The following PCDHA2 variants were observed in gnomAD, a reference collection of about 807,000 sequenced individuals.
PCDHA2 encodes the protein protocadherin alpha 2.
A neutral mutation model predicts 66.0 loss-of-function variants in PCDHA2; 58 were observed. The observed-to-expected ratio is 0.88, with a 90% CI of 0.71 to 1.09. The LOEUF is 1.09. Ranked by LOEUF, PCDHA2 falls within the 50% of genes least tolerant of loss-of-function variation. PCDHA2 has a pLI of 0.00. For synonymous variants in PCDHA2, 634 were observed against 554.0 expected, an observed-to-expected ratio of 1.14 and a Z score of -2.03; for missense variants, 1,267 against 1,242.3, an observed-to-expected ratio of 1.02 and a Z score of -0.30.
intron 1 of PCDHA2, chr5:140,849,234 T>C: frequency 2.9e-6 from 3 of 1,050,956 alleles, no homozygotes; most frequent in Non-Finnish European, 4.0e-6. Flanking sequence ...CAGAACCCTG[T>C]ATACGGTGAA....
intron 1 of PCDHA2, among the ~76,000 whole-genome samples, chr5:140,910,994 CT>C (rs1312142604): frequency 2.0e-5 from 3 of 152,222 alleles, no homozygotes; most frequent in African/African-American, 7.2e-5. Flanking sequence ...AACCTCACCC[CT>C]AGGGCCCTCC....
chr5:140,828,675 T>TTA, intron 1 of PCDHA2: 1 of 1,614,212 alleles, frequency 6.2e-7, no homozygotes, highest in Non-Finnish European at 8.5e-7. Flanking sequence ...ATTGGGCTCT[T>TTA]ATTAAAGAAA....
chr5:140,881,012 G>C (rs1445864276), intron 1 of PCDHA2, among the ~76,000 whole-genome samples: 2 of 152,202 alleles, frequency 1.3e-5, no homozygotes, highest in Admixed American at 1.3e-4. Flanking sequence ...CAGAGCTATG[G>C]AAATAAACCC....
rs1468060918 is a variant in PCDHA2, at chr5:140,848,352, T to G, written c.2388+51000T>G. Reference sequence around the variant, plus strand: ...TGAATCCAGACAAATACAGCCCTTTTCCCATGGGAAAGAGGCTCAATTCTT... The same window carrying G: ...TGAATCCAGACAAATACAGCCCTTTGCCCATGGGAAAGAGGCTCAATTCTT... On this transcript the variant is annotated intron_variant, in intron 1 of 3. Coordinates refer to ENST00000526136, the MANE Select transcript of PCDHA2 (RefSeq NM_018905.3). 8.0e-6 allele frequency: 8 copies of G among 1,002,918 alleles called. 1 individual carries two copies. The highest frequency in any genetic ancestry group is 1.2e-5 in the Non-Finnish European group (8 of 671,932). The allele number at this position is 1,002,918 out of a possible 1,614,324, so 62.1% of individuals were successfully genotyped here. A position where few individuals can be genotyped will look rare whatever the true frequency, so the allele number is the denominator to read the frequency against.
intron 1 of PCDHA2, chr5:140,843,519 G>T (rs2150361744): frequency 6.3e-7 from 1 of 1,595,904 alleles, no homozygotes; most frequent in Non-Finnish European, 8.6e-7. Context: ...GGCGGGTGCC[G>T]GGCGGGCAAG....
chr5:140,927,340 G>C, intron 1 of PCDHA2: 1 of 1,614,030 alleles, frequency 6.2e-7, no homozygotes, highest in Non-Finnish European at 8.5e-7. Flanking sequence ...GAATGCCCAA[G>C]ATGACGACGA....
At chr5:140,986,044 G>A (rs1261726247) in intron 3 of PCDHA2, among the ~76,000 whole-genome samples, 4 of 152,078 alleles carry the variant, frequency 2.6e-5, no homozygotes, top group African/African-American at 9.7e-5. Flanking sequence ...TGGCCTCACT[G>A]ATGAATTCTT....
chr5:140,882,745 T>C (rs782756975), intron 1 of PCDHA2: 1 of 1,614,124 alleles, frequency 6.2e-7, no homozygotes, highest in Non-Finnish European at 8.5e-7. Flanking sequence ...GCGCATCCGA[T>C]GCAGATATTG....
chr5:140,884,042 G>A (rs1554181105), intron 1 of PCDHA2: 4 of 1,613,464 alleles, frequency 2.5e-6, no homozygotes, highest in Non-Finnish European at 3.4e-6. Flanking sequence ...CCACGTGGTG[G>A]CGAAGGTGCG....
At chr5:140,943,349 T>C (rs1429038452) in intron 1 of PCDHA2, among the ~76,000 whole-genome samples, 1 of 147,572 alleles carries the variant, frequency 6.8e-6, no homozygotes, top group East Asian at 2.0e-4. Flanking sequence ...AGGATGAGAG[T>C]AGAGGAAAGG....
intron 1 of PCDHA2, chr5:140,875,418 G>A: frequency 6.6e-7 from 1 of 1,515,104 alleles, no homozygotes; most frequent in Non-Finnish European, 8.8e-7. Flanking sequence ...AAATACCTCA[G>A]GCAAGCGATC....
chr5:140,884,472 G>A (rs1382253304), intron 1 of PCDHA2: 2 of 1,613,830 alleles, frequency 1.2e-6, no homozygotes, highest in Non-Finnish European at 1.7e-6. Flanking sequence ...TGCGCGCCGG[G>A]CAAGCCCACT....
chr5:140,918,494 G>A (rs1252984580), intron 1 of PCDHA2, among the ~76,000 whole-genome samples: 2 of 152,098 alleles, frequency 1.3e-5, no homozygotes, highest in Non-Finnish European at 2.9e-5. Context: ...GCTTTGGATG[G>A]TACCAATCCT....
intron 1 of PCDHA2, chr5:140,836,379 C>T (rs2150259226): frequency 6.2e-7 from 1 of 1,613,734 alleles, no homozygotes; most frequent in Non-Finnish European, 8.5e-7. Context: ...AGCCACCGTG[C>T]TGGTGTCGCT....
chr5:140,805,130 C>A (rs1554123281), intron 1 of PCDHA2: 1 of 1,579,476 alleles, frequency 6.3e-7, no homozygotes, highest in Non-Finnish European at 8.6e-7. Flanking sequence ...TTGGCAAAGA[C>A]ATTTTGAAGA....
At chr5:140,879,939 T>C (rs1554171083) in intron 1 of PCDHA2, among the ~76,000 whole-genome samples, 1 of 152,194 alleles carries the variant, frequency 6.6e-6, no homozygotes. Flanking sequence ...TGTGATTGTA[T>C]TTAGGGCCCA....
At chr5:140,988,043 A>G (rs2153870251) in intron 3 of PCDHA2, among the ~76,000 whole-genome samples, 1 of 152,336 alleles carries the variant, frequency 6.6e-6, no homozygotes, top group Non-Finnish European at 1.5e-5. Context: ...GAATCTGTTT[A>G]GGAGCACTGT....
chr5:140,797,128 C>T lies in PCDHA2; in HGVS notation c.2164C>T (p.Arg722Trp). 1 of 1,613,986 alleles carries T rather than the reference C, an allele frequency of 6.2e-7. No individual in the cohort carries two copies. Among genetic ancestry groups the T allele is most frequent in the Non-Finnish European group, 8.5e-7 (1 of 1,179,964 alleles). Reference protein sequence around the residue: ...VLTVLLYTALRCSVPPTEGAR... With the variant: ...VLTVLLYTALWCSVPPTEGAR... ...CACGGTGCTGCTGTACACTGCGCTG[C>T]GGTGCTCGGTGCCACCCACCGAGGG... is the stretch of plus-strand genomic sequence containing the variant. The change falls in exon 1 of 4, where the codon CGG becomes TGG. Residue 722 changes from arginine to tryptophan, a missense_variant. By Grantham distance (101) the Arg-to-Trp change is moderately radical (BLOSUM62 -3). Coordinates refer to ENST00000526136, the MANE Select transcript of PCDHA2 (RefSeq NM_018905.3).
At chr5:140,960,405 C>T (rs2095547214) in intron 1 of PCDHA2, among the ~76,000 whole-genome samples, 1 of 151,828 alleles carries the variant, frequency 6.6e-6, no homozygotes, top group Non-Finnish European at 1.5e-5. Context: ...AGGGGGGGTG[C>T]CCAAAAAGTC....
Sources: allele counts gnomAD v4.1 joint callset (sites outside exome capture counted in the v4.1 genomes callset), GRCh38; gene constraint gnomAD v4.1.1; transcripts MANE v1.5; gene names NCBI Gene and HGNC (gene_info 2026-07-23, HGNC 2026-07-21).